The following LIMCH1 variants were observed in gnomAD, a reference collection of about 807,000 sequenced individuals.
LIMCH1 encodes the protein LIM and calponin homology domains 1, also known as LIM and calponin homology domains-containing protein 1.
Under a neutral mutation model 176.5 loss-of-function variants are expected in LIMCH1, and 113 were observed. The ratio of observed to expected loss-of-function variants is 0.64; its 90% confidence interval spans 0.55 to 0.75. The LOEUF is 0.75. Ranked by LOEUF, LIMCH1 falls within the 30% of genes least tolerant of loss-of-function variation. The probability of loss-of-function intolerance (pLI) is 0.00; values close to 1 mark genes in which losing one functional copy is unlikely to be tolerated. For missense variants in LIMCH1, 1,674 were observed against 1,814.9 expected (o/e 0.92, Z 1.41); for synonymous variants, 619 against 645.9 (o/e 0.96, Z 0.63).
At chr4:41,540,360 T>G (rs1170139876) in intron 1 of LIMCH1, among the ~76,000 whole-genome samples, 3 of 152,208 alleles carry the variant, frequency 2.0e-5, no homozygotes, top group Non-Finnish European at 2.9e-5. Context: ...TGGCCCTGCC[T>G]TTTAGGTTGA....
chr4:41,530,627 T>C (rs2077154766), intron 3 of LIMCH1, among the ~76,000 whole-genome samples: 1 of 151,560 alleles, frequency 6.6e-6, no homozygotes, highest in Non-Finnish European at 1.5e-5. Context: ...GCCAACATGG[T>C]GAAACCCTGT....
intron 1 of LIMCH1, among the ~76,000 whole-genome samples, chr4:41,416,690 A>C (rs2154127166): frequency 6.6e-6 from 1 of 151,702 alleles, no homozygotes. Context: ...AAATTTTATC[A>C]CTAGGTTATT....
chr4:41,450,400 G>A (rs960667039), intron 1 of LIMCH1, among the ~76,000 whole-genome samples: 1 of 152,072 alleles, frequency 6.6e-6, no homozygotes, highest in African/African-American at 2.4e-5. Flanking sequence ...GAATGGAGTG[G>A]GGTCACTGGC....
intron 1 of LIMCH1, among the ~76,000 whole-genome samples, chr4:41,586,253 CA>C (rs1339390619): frequency 6.6e-6 from 1 of 151,868 alleles, no homozygotes; most frequent in African/African-American, 2.4e-5. Flanking sequence ...GGACTATAGG[CA>C]CATGTCACCA....
At position 41,610,834 on chromosome 4, in the gene LIMCH1, T is replaced by C. The variant is rs553521257; in HGVS notation, c.10-2632T>C. On this transcript the variant is annotated intron_variant, in intron 4 of 31. Transcript: ENST00000503057. ...TCTCTTGCACTAATCATGCTTCATA[T>C]AACATTTCAGTCAACAGTAGACAGC... Among the ~76,000 whole-genome samples the C allele has an allele frequency of 1.3e-4, 20 of 152,294 alleles. No homozygotes were observed. The South Asian group carries it at 4.1e-3, about 32-fold the overall frequency.
intron 1 of LIMCH1, among the ~76,000 whole-genome samples, chr4:41,376,530 G>A (rs1407311098): frequency 1.3e-5 from 2 of 152,046 alleles, no homozygotes; most frequent in Non-Finnish European, 2.9e-5. Context: ...TCTGTGATCT[G>A]TAGACCAATA....
chr4:41,604,592 G>A (rs1432239419), intron 3 of LIMCH1, among the ~76,000 whole-genome samples: 1 of 151,796 alleles, frequency 6.6e-6, no homozygotes, highest in Non-Finnish European at 1.5e-5. Flanking sequence ...AGAGGTATAC[G>A]CCATTTTTCA....
intron 1 of LIMCH1, among the ~76,000 whole-genome samples, chr4:41,554,793 T>C (rs572938980): frequency 6.6e-6 from 1 of 152,216 alleles, no homozygotes; most frequent in Non-Finnish European, 1.5e-5. Flanking sequence ...CTTTGAAGTA[T>C]GTCTTGAATT....
upstream of LIMCH1, among the ~76,000 whole-genome samples, chr4:41,535,392 GAA>G (rs2077796511): frequency 1.3e-5 from 2 of 152,108 alleles, no homozygotes. Flanking sequence ...CTGTAGGTTA[GAA>G]GTCTGAGATC....
intron 7 of LIMCH1, among the ~76,000 whole-genome samples, chr4:41,626,307 A>G (rs903560477): frequency 6.6e-6 from 1 of 152,130 alleles, no homozygotes; most frequent in African/African-American, 2.4e-5. Context: ...TGGTGGCTCA[A>G]TTTTTTGCCC....
intron 1 of LIMCH1, among the ~76,000 whole-genome samples, chr4:41,467,158 T>TATATATACACACACACAC (rs1157542568): frequency 7.0e-6 from 1 of 143,468 alleles, no homozygotes; most frequent in African/African-American, 2.6e-5. Flanking sequence ...TATGTATATA[T>TATATATACACACACACAC]ACACACACAC....
intron 1 of LIMCH1, among the ~76,000 whole-genome samples, chr4:41,465,782 T>C (rs1299867587): frequency 6.6e-6 from 1 of 152,184 alleles, no homozygotes; most frequent in Non-Finnish European, 1.5e-5. Context: ...CCCTATAGAA[T>C]AGATGTAAGC....
intron 1 of LIMCH1, among the ~76,000 whole-genome samples, chr4:41,562,444 A>G (rs1423273212): frequency 6.6e-6 from 1 of 152,204 alleles, no homozygotes; most frequent in Non-Finnish European, 1.5e-5. Context: ...AAAAGTGTCA[A>G]TAAGTATTGG....
intron 7 of LIMCH1, among the ~76,000 whole-genome samples, chr4:41,622,394 C>A (rs1341945139): frequency 6.6e-6 from 1 of 152,142 alleles, no homozygotes; most frequent in Non-Finnish European, 1.5e-5. Context: ...TATGAACTTA[C>A]CTGAAATTTT....
chr4:41,495,686 A>G (rs1583120839), intron 2 of LIMCH1, among the ~76,000 whole-genome samples: 1 of 152,190 alleles, frequency 6.6e-6, no homozygotes, highest in African/African-American at 2.4e-5. Flanking sequence ...CTAAAATCAT[A>G]ATAAAAAATG....
chr4:41,562,197 G>A (rs754878068), intron 1 of LIMCH1, among the ~76,000 whole-genome samples: 5 of 152,094 alleles, frequency 3.3e-5, no homozygotes, highest in African/African-American at 4.8e-5. Context: ...TCTCCACTTT[G>A]CATGTTCAGT....
rs955713994 is a variant in LIMCH1, at chr4:41,573,688, C to G, written c.-240-25232C>G. 2.0e-5 allele frequency among the ~76,000 whole-genome samples: 3 copies of G among 152,222 alleles called. No homozygotes were observed. The East Asian group carries it at 5.8e-4, about 29-fold the overall frequency. ...ATAAATCAACTTGTGATGAGCAATA[C>G]TGCACATAAACCTTCTTTTTTTCCT... On this transcript the variant is annotated intron_variant, in intron 1 of 31. Coordinates refer to ENST00000503057, the MANE Select transcript of LIMCH1 (RefSeq NM_001330672.2).
intron 1 of LIMCH1, among the ~76,000 whole-genome samples, chr4:41,480,576 C>T (rs772478423): frequency 2.0e-5 from 3 of 152,140 alleles, no homozygotes; most frequent in Non-Finnish European, 4.4e-5. Context: ...CTCTGCACTC[C>T]AGCCTGGAGA....
At chr4:41,419,635 C>CTTCCTTCCTTCCT (rs1457379676) in intron 1 of LIMCH1, among the ~76,000 whole-genome samples, 1 of 64,320 alleles carries the variant, frequency 1.6e-5, no homozygotes, top group African/African-American at 9.1e-5. Context: ...TCCTTCCTTC[C>CTTCCTTCCTTCCT]TCCTTCCTTT....
Sources: gnomAD v4.1 joint callset for allele counts (sites outside exome capture counted in the v4.1 genomes callset) on GRCh38, gnomAD v4.1.1 for gene constraint, MANE v1.5 for transcripts, NCBI Gene and HGNC (gene_info 2026-07-23, HGNC 2026-07-21) for gene names.